The following DAB1 variants were observed in gnomAD, a reference collection of about 807,000 sequenced individuals.
DAB1 encodes the protein disabled homolog 1.
Under a neutral mutation model 64.6 loss-of-function variants are expected in DAB1, and 15 were observed. The ratio of observed to expected loss-of-function variants is 0.23; its 90% CI spans 0.16 to 0.36. The LOEUF is 0.36. Ranked by LOEUF, DAB1 falls within the 10% of genes least tolerant of loss-of-function variation. The probability of loss-of-function intolerance (pLI) is 1.00; values close to 1 mark genes in which losing one functional copy is unlikely to be tolerated. For missense variants in DAB1, 596 were observed against 706.7 expected (o/e 0.84, Z 1.78); for synonymous variants, 235 against 251.9 (o/e 0.93, Z 0.64).
At chr1:57,262,266 G>A (rs1670238732) in intron 2 of DAB1, among the ~76,000 whole-genome samples, 1 of 152,158 alleles carries the variant, frequency 6.6e-6, no homozygotes, top group Admixed American at 6.5e-5. Context: ...GCTTTCTGTG[G>A]CAGAGGCCAC....
intron 4 of DAB1, among the ~76,000 whole-genome samples, chr1:58,276,640 G>C (rs61781879): frequency 0.013 from 1,940 of 152,268 alleles, 23 homozygotes; most frequent in Non-Finnish European, 0.02. Context: ...CCCTATTAAG[G>C]AGCCTGGACT....
chr1:57,032,970 C>T (rs4912233), intron 9 of DAB1, among the ~76,000 whole-genome samples: 52,255 of 152,008 alleles, frequency 0.34, 9,613 homozygotes, highest in Middle Eastern at 0.46. Context: ...ACTACATATA[C>T]TACACTAAGC....
intron 5 of DAB1, among the ~76,000 whole-genome samples, chr1:58,135,532 T>G (rs1653894596): frequency 1.3e-5 from 2 of 152,164 alleles, no homozygotes; most frequent in Admixed American, 6.6e-5. Flanking sequence ...TTACCTTTAT[T>G]TTTAAAGATA....
intron 5 of DAB1, among the ~76,000 whole-genome samples, chr1:57,937,964 T>C (rs886359311): frequency 3.3e-5 from 5 of 152,224 alleles, no homozygotes; most frequent in African/African-American, 9.6e-5. Flanking sequence ...ATGTTACCTA[T>C]AGTCAGGGCT....
At chr1:57,742,566 G>T (rs1428889219) in intron 6 of DAB1, among the ~76,000 whole-genome samples, 1 of 152,098 alleles carries the variant, frequency 6.6e-6, no homozygotes, top group Non-Finnish European at 1.5e-5. Flanking sequence ...ACCTGGTTCT[G>T]TGTAAAAATA....
intron 8 of DAB1, among the ~76,000 whole-genome samples, chr1:57,067,994 A>G (rs1651088850): frequency 6.6e-6 from 1 of 152,148 alleles, no homozygotes; most frequent in South Asian, 2.1e-4. Flanking sequence ...CTGGACTACA[A>G]CCCAGCTTTC....
Position 57,695,294 on chromosome 1 carries a change from GAGAAGGAAAGAAAGAAAGAAAGAA to G in DAB1, n.552-45653_552-45630del, listed in dbSNP as rs1176365186. Among the ~76,000 whole-genome samples the G allele has an allele frequency of 6.1e-4, 32 of 52,114 alleles. 2 individuals are homozygous for G. The highest frequency in any genetic ancestry group is 2.1e-3 in the African/African-American group (31 of 14,862). 34.2% of individuals were successfully genotyped at this position (52,114 alleles called of 152,430 possible). On this transcript the variant is annotated intron_variant and non_coding_transcript_variant, in intron 6 of 20. Transcript: ENST00000485760. ...GAAGGAAGGAAGGAAGAAAGGGAGA[GAGAAGGAAAGAAAGAAAGAAAGAA>G]AGAAAGAAAGAAAGAAAGAAAGAAA...
intron 4 of DAB1, among the ~76,000 whole-genome samples, chr1:58,180,296 T>C (rs1213645657): frequency 2.3e-5 from 3 of 131,460 alleles, no homozygotes; most frequent in Non-Finnish European, 4.8e-5. Flanking sequence ...TTTTTTTTTT[T>C]TTTTTTTTTT....
chr1:57,916,675 C>T (rs1284179286), intron 5 of DAB1, among the ~76,000 whole-genome samples: 14 of 152,202 alleles, frequency 9.2e-5, no homozygotes, highest in Non-Finnish European at 1.2e-4. Context: ...TGGTGGCTCA[C>T]GCCTGTAATC....
At chr1:58,383,593 T>C (rs1309567128) in intron 3 of DAB1, among the ~76,000 whole-genome samples, 1 of 141,252 alleles carries the variant, frequency 7.1e-6, no homozygotes, top group Non-Finnish European at 1.5e-5. Context: ...CATACATTTT[T>C]TCAGTACAGT....
In DAB1 at chr1:58,266,262, C is replaced by G. The variant is rs520434; in HGVS notation, n.309+77090G>C. On this transcript the variant is annotated intron_variant and non_coding_transcript_variant, in intron 4 of 20. Coordinates refer to the DAB1 transcript ENST00000485760. ...TCTTTGCAGCTGTTTGAGTCTCTCC[C>G]TACAGGGTGGTAGGTCTGAAGGGGC... 7.9e-3 allele frequency among the ~76,000 whole-genome samples: 1,197 copies of G among 152,298 alleles called. 18 individuals carry two copies. Among genetic ancestry groups the G allele is most frequent in the African/African-American group, 0.027 (1,132 of 41,572 alleles).
intron 3 of DAB1, among the ~76,000 whole-genome samples, chr1:58,473,552 ATAAAT>A (rs1645387440): frequency 3.7e-5 from 4 of 108,120 alleles, no homozygotes; most frequent in African/African-American, 1.1e-4. Context: ...AAAAAAATAA[ATAAAT>A]AAATAAATAA....
At chr1:58,209,575 C>T (rs1000889095) in intron 4 of DAB1, among the ~76,000 whole-genome samples, 1 of 152,010 alleles carries the variant, frequency 6.6e-6, no homozygotes, top group East Asian at 1.9e-4. Flanking sequence ...TTCTTAAAGA[C>T]CAGGAATGTC....
intron 4 of DAB1, among the ~76,000 whole-genome samples, chr1:58,335,259 A>C (rs1663085858): frequency 6.6e-6 from 1 of 152,216 alleles, no homozygotes; most frequent in South Asian, 2.1e-4. Flanking sequence ...GGCTGAGAAA[A>C]GGCAAGAAGA....
At chr1:58,276,604 G>A (rs1661450644) in intron 4 of DAB1, among the ~76,000 whole-genome samples, 1 of 152,176 alleles carries the variant, frequency 6.6e-6, no homozygotes, top group African/African-American at 2.4e-5. Flanking sequence ...TGGCTGATGA[G>A]GCTGGAGAGA....
At chr1:57,566,921 T>C (rs1645129620) in intron 7 of DAB1, among the ~76,000 whole-genome samples, 1 of 152,162 alleles carries the variant, frequency 6.6e-6, no homozygotes, top group African/African-American at 2.4e-5. Context: ...CCCTAACTCA[T>C]TTTTTGAGGC....
intron 1 of DAB1, among the ~76,000 whole-genome samples, chr1:57,376,032 G>A (rs1296097463): frequency 1.3e-5 from 2 of 152,180 alleles, no homozygotes; most frequent in African/African-American, 4.8e-5. Flanking sequence ...GGTATGAACA[G>A]ATGCTAGGAT....
intron 7 of DAB1, among the ~76,000 whole-genome samples, chr1:57,569,160 A>G (rs1252643360): frequency 7.0e-6 from 1 of 143,876 alleles, no homozygotes; most frequent in Non-Finnish European, 1.5e-5. Context: ...CGGGAGGCTG[A>G]GGCAGGAGAA....
At chr1:58,274,718 T>A (rs1661393061) in intron 4 of DAB1, among the ~76,000 whole-genome samples, 1 of 152,192 alleles carries the variant, frequency 6.6e-6, no homozygotes, top group Non-Finnish European at 1.5e-5. Context: ...GTTCGCCGCT[T>A]TTTAAGCCGG....
Sources: gnomAD v4.1 joint callset for allele counts (sites outside exome capture counted in the v4.1 genomes callset) on GRCh38, gnomAD v4.1.1 for gene constraint, MANE v1.5 for transcripts, NCBI Gene and HGNC (gene_info 2026-07-23, HGNC 2026-07-21) for gene names.